The following MAGI2 variants were observed in gnomAD, a reference collection of about 807,000 sequenced individuals.
The protein encoded by MAGI2 is membrane associated guanylate kinase, WW and PDZ domain containing 2.
MAGI2 carries 35 observed loss-of-function variants against 133.3 expected under a neutral mutation model. The ratio of observed to expected loss-of-function variants is 0.26; its 90% confidence interval spans 0.20 to 0.35. The LOEUF is 0.35. MAGI2 is among the 10% of genes least tolerant of loss of function. MAGI2 has a pLI of 1.00. For missense variants in MAGI2, 1,636 were observed against 1,863.4 expected, an observed-to-expected ratio of 0.88 and a Z score of 2.25; for synonymous variants, 729 against 710.6, an observed-to-expected ratio of 1.03 and a Z score of -0.41.
chr7:78,247,807 A>G (rs1791961924), intron 10 of MAGI2, among the ~76,000 whole-genome samples: 1 of 152,206 alleles, frequency 6.6e-6, no homozygotes, highest in South Asian at 2.1e-4. Context: ...AAAACAGCCT[A>G]TGGGAGTCCT....
chr7:78,944,320 T>A (rs533977644), intron 2 of MAGI2, among the ~76,000 whole-genome samples: 2 of 152,174 alleles, frequency 1.3e-5, no homozygotes, highest in Non-Finnish European at 2.9e-5. Context: ...GCTTCAGGCC[T>A]TTCAGTGGCT....
At chr7:78,617,357 T>C (rs1807217497) in intron 3 of MAGI2, 1 of 152,122 alleles carries the variant, frequency 6.6e-6, no homozygotes, top group Non-Finnish European at 1.5e-5. Context: ...TTCATATTTG[T>C]AGAGTGTTTC....
At chr7:79,016,008 GGGT>G (rs1419977722) in intron 1 of MAGI2, among the ~76,000 whole-genome samples, 24 of 115,792 alleles carry the variant, frequency 2.1e-4, no homozygotes, top group African/African-American at 7.4e-4. Context: ...CGGGGGGGGG[GGGT>G]GGGGGTTGAG....
At chr7:79,143,703 A>G (rs1822347107) in intron 1 of MAGI2, among the ~76,000 whole-genome samples, 1 of 152,174 alleles carries the variant, frequency 6.6e-6, no homozygotes, top group African/African-American at 2.4e-5. Context: ...GTGAGCTTCT[A>G]TTTTTCAGCA....
rs553691538 is a variant in MAGI2, at chr7:79,201,574, T to C, written c.302-194368A>G. Reference sequence around the variant, plus strand: ...AATCTTGGGATCTGTTGACCTGAAATTTTGGGGAGTGCTAGCTAACATATT... The same window carrying C: ...AATCTTGGGATCTGTTGACCTGAAACTTTGGGGAGTGCTAGCTAACATATT... On this transcript the variant is annotated intron_variant, in intron 1 of 21. Coordinates refer to ENST00000354212, the MANE Select transcript of MAGI2 (RefSeq NM_012301.4). 1.5e-3 allele frequency among the ~76,000 whole-genome samples: 224 copies of C among 151,962 alleles called. 2 individuals carry two copies. The highest frequency in any genetic ancestry group is 5.1e-3 in the African/African-American group (209 of 41,336).
chr7:78,515,532 A>C (rs1795961029), intron 4 of MAGI2, among the ~76,000 whole-genome samples: 1 of 152,232 alleles, frequency 6.6e-6, no homozygotes, highest in Non-Finnish European at 1.5e-5. Flanking sequence ...TGACTAAAAA[A>C]TAAAGATTTA....
chr7:78,934,423 T>C lies in MAGI2; in HGVS notation c.418+72667A>G, dbSNP rs375209810. On this transcript the variant is annotated intron_variant, in intron 2 of 21. Transcript: ENST00000354212. ...CCGGCCAGAACACATTTTTTTCCAC[T>C]GTATTAATGGTGTCATATTTTTTAC... is the stretch of plus-strand genomic sequence containing the variant. 2.9e-4 allele frequency among the ~76,000 whole-genome samples: 44 copies of C among 152,248 alleles called. No individual in the cohort carries two copies. In the South Asian group the frequency reaches 5.8e-3, roughly 20 times the overall value.
intron 1 of MAGI2, among the ~76,000 whole-genome samples, chr7:79,124,070 C>A (rs1820170155): frequency 6.6e-6 from 1 of 152,070 alleles, no homozygotes. Context: ...AGTACGTTAG[C>A]ATGAGGGCAT....
At chr7:78,822,102 T>C (rs187138688) in intron 2 of MAGI2, among the ~76,000 whole-genome samples, 1 of 152,208 alleles carries the variant, frequency 6.6e-6, no homozygotes, top group African/African-American at 2.4e-5. Context: ...TACTATTTTA[T>C]TCTATCCTGA....
At chr7:78,932,274 G>T (rs1327709711) in intron 2 of MAGI2, among the ~76,000 whole-genome samples, 1 of 152,022 alleles carries the variant, frequency 6.6e-6, no homozygotes, top group African/African-American at 2.4e-5. Context: ...TGTTGATAAT[G>T]TCAAAAAGGC....
intron 1 of MAGI2, among the ~76,000 whole-genome samples, chr7:79,350,353 A>G (rs909311266): frequency 6.6e-6 from 1 of 152,134 alleles, no homozygotes; most frequent in Non-Finnish European, 1.5e-5. Context: ...CTGCAACTTC[A>G]TGCCCTCTGC....
intron 6 of MAGI2, among the ~76,000 whole-genome samples, chr7:78,395,978 A>G (rs1401701249): frequency 1.3e-5 from 2 of 152,186 alleles, no homozygotes; most frequent in African/African-American, 4.8e-5. Flanking sequence ...ACCTTTTTGT[A>G]TGAGGCTATG....
At chr7:79,115,887 A>T (rs1283002567) in intron 1 of MAGI2, among the ~76,000 whole-genome samples, 1 of 139,354 alleles carries the variant, frequency 7.2e-6, no homozygotes, top group Non-Finnish European at 1.5e-5. Context: ...TTTTTTAAAG[A>T]AACAACATTA....
chr7:78,566,531 T>TA (rs1800960461), intron 3 of MAGI2, among the ~76,000 whole-genome samples: 1 of 82,364 alleles, frequency 1.2e-5, no homozygotes, highest in Admixed American at 1.4e-4. Context: ...ACAGACACAG[T>TA]TTAAAAAAAA....
intron 21 of MAGI2, among the ~76,000 whole-genome samples, chr7:78,032,642 A>G (rs945699637): frequency 6.6e-6 from 1 of 152,194 alleles, no homozygotes; most frequent in Admixed American, 6.5e-5. Flanking sequence ...CCAAAGATTA[A>G]TATACAAATA....
In MAGI2 at chr7:78,831,309, C is replaced by T. The variant is rs545365524; in HGVS notation, c.418+175781G>A. 7.2e-5 allele frequency among the ~76,000 whole-genome samples: 11 copies of T among 152,242 alleles called. No individual in the cohort carries two copies. In the South Asian group the frequency reaches 2.3e-3, roughly 32 times the overall value. On this transcript the variant is annotated intron_variant, in intron 2 of 21. Transcript: ENST00000354212. ...GTCCCTCTGAATATGAAATGCCTTA[C>T]ATTTTTACAATTTTCATCCTAAAGA... is the stretch of plus-strand genomic sequence containing the variant.
At chr7:78,110,212 C>G (rs1819214578) in intron 20 of MAGI2, among the ~76,000 whole-genome samples, 1 of 152,192 alleles carries the variant, frequency 6.6e-6, no homozygotes, top group Non-Finnish European at 1.5e-5. Context: ...CTGCCCTTAA[C>G]TTCCCTTTCT....
chr7:79,323,166 T>A (rs1839328323), intron 1 of MAGI2, among the ~76,000 whole-genome samples: 1 of 152,068 alleles, frequency 6.6e-6, no homozygotes, highest in Admixed American at 6.6e-5. Flanking sequence ...CTTCATTCAC[T>A]TACACAACAA....
intron 3 of MAGI2, among the ~76,000 whole-genome samples, chr7:78,575,202 A>C (rs531654748): frequency 6.6e-6 from 1 of 152,258 alleles, no homozygotes; most frequent in Non-Finnish European, 1.5e-5. Flanking sequence ...TATCACTATC[A>C]TTCCATTTAA....
Sources: allele counts gnomAD v4.1 joint callset (sites outside exome capture counted in the v4.1 genomes callset), GRCh38; gene constraint gnomAD v4.1.1; transcripts MANE v1.5; gene names NCBI Gene and HGNC (gene_info 2026-07-23, HGNC 2026-07-21).